Variants in CNTNAP2 observed in about 807,000 individuals in gnomAD.
The protein encoded by CNTNAP2 is contactin associated protein 2.
CNTNAP2 carries 98 observed loss-of-function variants against 155.2 expected under a neutral mutation model. The observed-to-expected ratio is 0.63, with a 90% CI of 0.54 to 0.75. CNTNAP2 has a LOEUF of 0.75. Among genes scored for constraint, CNTNAP2 ranks in the 30% least tolerant of loss-of-function variants. CNTNAP2 has a pLI of 0.00. For missense variants in CNTNAP2, 1,727 were observed against 1,688.1 expected (o/e 1.02, Z -0.40); for synonymous variants, 651 against 631.2 (o/e 1.03, Z -0.47).
intron 9 of CNTNAP2, among the ~76,000 whole-genome samples, chr7:147,331,266 C>T (rs778987092): frequency 4.6e-5 from 7 of 152,074 alleles, no homozygotes; most frequent in Non-Finnish European, 8.8e-5. Flanking sequence ...AGGTTGAAGC[C>T]AAGGATGATA....
chr7:147,360,577 T>C (rs1201953147), intron 9 of CNTNAP2, among the ~76,000 whole-genome samples: 3 of 152,166 alleles, frequency 2.0e-5, no homozygotes, highest in African/African-American at 7.2e-5. Flanking sequence ...TCATGGTGCT[T>C]TTTTCACTCT....
rs869125044 is a variant in CNTNAP2 at position 147,062,127 on chromosome 7, C to CAAAAAAAAAAAA, written c.550+18105_550+18116dup. 6.0e-4 allele frequency among the ~76,000 whole-genome samples: 27 copies of CAAAAAAAAAAAA among 44,932 alleles called. 1 individual carries two copies. Among genetic ancestry groups the CAAAAAAAAAAAA allele is most frequent in the East Asian group, 1.4e-3 (1 of 736 alleles). The allele number at this position is 44,932 out of a possible 152,430, so 29.5% of individuals were successfully genotyped here. A position where few individuals can be genotyped will look rare whatever the true frequency, so the allele number is the denominator to read the frequency against. ...TGGGCGACAGAGCGAGACTCCGTCT[C>CAAAAAAAAAAAA]AAAAAAAAAAAAAAAAAAAAAAAAA... On this transcript the variant is annotated intron_variant, in intron 4 of 23. Transcript: ENST00000361727.
At chr7:146,662,806 A>G (rs1800115834) in intron 1 of CNTNAP2, among the ~76,000 whole-genome samples, 1 of 152,166 alleles carries the variant, frequency 6.6e-6, no homozygotes, top group African/African-American at 2.4e-5. Context: ...TATGTAATTG[A>G]ACATTTTTTT....
intron 8 of CNTNAP2, among the ~76,000 whole-genome samples, chr7:147,225,922 AGAAG>A (rs1230336758): frequency 7.8e-6 from 1 of 128,006 alleles, no homozygotes; most frequent in Non-Finnish European, 1.8e-5. Context: ...AAGGAAGGAA[AGAAG>A]GAAGGAAAGA....
In CNTNAP2 at chr7:146,144,782, G is replaced by T. The variant is rs199675959; in HGVS notation, c.97+27809G>T. On this transcript the variant is annotated intron_variant, in intron 1 of 23. Transcript: ENST00000361727. Reference sequence around the variant, plus strand: ...CTGCCTCTCTAAATCCCACTTTTTTGTACAACTAATTTTTTCTTTCATCAA... The same window carrying T: ...CTGCCTCTCTAAATCCCACTTTTTTTTACAACTAATTTTTTCTTTCATCAA... 3.3e-5 allele frequency among the ~76,000 whole-genome samples: 5 copies of T among 152,066 alleles called. No individual in the cohort carries two copies. In the East Asian group the frequency reaches 7.7e-4, roughly 24 times the overall value.
chr7:147,996,872 T>C (rs1375329085), intron 15 of CNTNAP2, among the ~76,000 whole-genome samples: 1 of 152,218 alleles, frequency 6.6e-6, no homozygotes, highest in Admixed American at 6.5e-5. Flanking sequence ...TCTGTTTTTG[T>C]CTTTCCAAAA....
intron 21 of CNTNAP2, among the ~76,000 whole-genome samples, chr7:148,290,765 C>T (rs2116480248): frequency 6.6e-6 from 1 of 152,224 alleles, no homozygotes; most frequent in East Asian, 1.9e-4. Flanking sequence ...CACTCAGGCT[C>T]ACCTCTTTAC....
At chr7:146,368,849 C>CATATATAT (rs34394597) in intron 1 of CNTNAP2, among the ~76,000 whole-genome samples, 4 of 146,328 alleles carry the variant, frequency 2.7e-5, no homozygotes, top group African/African-American at 1.0e-4. Flanking sequence ...AAATTATATA[C>CATATATAT]ATATATATAT....
At chr7:147,052,144 C>T (rs1799485660) in intron 4 of CNTNAP2, among the ~76,000 whole-genome samples, 1 of 152,076 alleles carries the variant, frequency 6.6e-6, no homozygotes, top group Non-Finnish European at 1.5e-5. Flanking sequence ...TAATGAGAAT[C>T]ATCTGAATTT....
chr7:146,434,325 T>G (rs1230961071), intron 1 of CNTNAP2, among the ~76,000 whole-genome samples: 1 of 152,168 alleles, frequency 6.6e-6, no homozygotes, highest in East Asian at 1.9e-4. Context: ...TTTTCTTATT[T>G]ATAAGCGTGG....
intron 1 of CNTNAP2, among the ~76,000 whole-genome samples, chr7:146,182,076 C>T (rs1410687295): frequency 6.6e-6 from 1 of 151,596 alleles, no homozygotes; most frequent in African/African-American, 2.4e-5. Context: ...CCAGTGCTCA[C>T]AGAAATAATG....
intron 1 of CNTNAP2, among the ~76,000 whole-genome samples, chr7:146,227,428 C>CAAAAAA (rs755623604): frequency 0.014 from 679 of 48,768 alleles, 1 homozygote; most frequent in Middle Eastern, 0.036. Context: ...CTGTCTCAAA[C>CAAAAAA]AAAAAAAAAA....
At chr7:147,601,642 A>AT (rs1314419534) in intron 12 of CNTNAP2, among the ~76,000 whole-genome samples, 1 of 87,544 alleles carries the variant, frequency 1.1e-5, no homozygotes, top group East Asian at 3.6e-4. Context: ...CTCTTAAAAA[A>AT]AAATATATAT....
chr7:146,225,668 G>A (rs1204161020), intron 1 of CNTNAP2, among the ~76,000 whole-genome samples: 1 of 152,162 alleles, frequency 6.6e-6, no homozygotes, highest in Non-Finnish European at 1.5e-5. Flanking sequence ...ACAACTGGTG[G>A]AATGTGTGTT....
At chr7:147,853,865 C>T (rs1334130690) in intron 13 of CNTNAP2, among the ~76,000 whole-genome samples, 3 of 152,166 alleles carry the variant, frequency 2.0e-5, no homozygotes, top group Admixed American at 6.6e-5. Context: ...CATGTTTATG[C>T]TGCAAAGTGA....
chr7:148,106,561 A>C (rs1027846742), intron 15 of CNTNAP2, among the ~76,000 whole-genome samples: 1 of 147,306 alleles, frequency 6.8e-6, no homozygotes, highest in Non-Finnish European at 1.5e-5. Context: ...AGGTCTCACT[A>C]TGTCGCCCAG....
At chr7:146,914,925 A>G (rs907255333) in intron 3 of CNTNAP2, among the ~76,000 whole-genome samples, 1 of 151,826 alleles carries the variant, frequency 6.6e-6, no homozygotes, top group Non-Finnish European at 1.5e-5. Context: ...TCCCAATGTT[A>G]TCTTCTAGAA....
At chr7:147,770,262 T>A (rs1797449315) in intron 13 of CNTNAP2, among the ~76,000 whole-genome samples, 1 of 152,230 alleles carries the variant, frequency 6.6e-6, no homozygotes, top group Non-Finnish European at 1.5e-5. Flanking sequence ...TCTACACTAC[T>A]ATAGTGTTGT....
At chr7:146,750,638 A>T (rs953821453) in intron 1 of CNTNAP2, among the ~76,000 whole-genome samples, 3 of 152,192 alleles carry the variant, frequency 2.0e-5, no homozygotes, top group African/African-American at 7.2e-5. Flanking sequence ...TCAGTGCTAT[A>T]ATATGCCACA....
Sources: allele counts gnomAD v4.1 joint callset (sites outside exome capture counted in the v4.1 genomes callset), GRCh38; gene constraint gnomAD v4.1.1; transcripts MANE v1.5; gene names NCBI Gene and HGNC (gene_info 2026-07-23, HGNC 2026-07-21).